The following ANK3 variants were observed in gnomAD, a reference collection of about 807,000 sequenced individuals.
ANK3 encodes ankyrin-3.
ANK3 carries 57 observed loss-of-function variants against 370.9 expected under a neutral mutation model. The observed-to-expected ratio is 0.15, with a 90% CI of 0.12 to 0.19. The LOEUF is 0.19. ANK3 is among the 10% of genes least tolerant of loss of function. The probability of loss-of-function intolerance (pLI) is 1.00; values close to 1 mark genes in which losing one functional copy is unlikely to be tolerated. For missense variants in ANK3, 4,439 were observed against 5,302.1 expected (o/e 0.84, Z 5.06); for synonymous variants, 1,929 against 1,946.3 (o/e 0.99, Z 0.23).
At chr10:60,234,884 C>T in intron 7 of ANK3, 98 bp from the exon 8 acceptor site, 3 of 719,798 alleles carry the variant, frequency 4.2e-6, no homozygotes, top group Non-Finnish European at 7.4e-6. Context: ...TCCCCCTCTC[C>T]TTTTCTAAAC....
At chr10:60,427,289 A>C (rs1187082449) in intron 2 of ANK3, among the ~76,000 whole-genome samples, 1 of 152,126 alleles carries the variant, frequency 6.6e-6, no homozygotes, top group Non-Finnish European at 1.5e-5. Flanking sequence ...GAGAAAGAGA[A>C]AGGGAGAGAT....
chr10:60,096,524 G>A (rs186784612), intron 28 of ANK3, among the ~76,000 whole-genome samples: 22 of 152,236 alleles, frequency 1.4e-4, no homozygotes, highest in Admixed American at 5.9e-4. Flanking sequence ...AGAAACAATC[G>A]TACTACATGT....
rs1591136695 is a variant in ANK3 at position 60,167,018 on chromosome 10, C to T, written c.2479-122G>A. The T allele has an allele frequency of 6.2e-6, 5 of 807,858 alleles. No homozygotes were observed. In the East Asian group the frequency reaches 1.3e-4, roughly 21 times the overall value. 50.0% of individuals were successfully genotyped at this position (807,858 alleles called of 1,614,324 possible). On this transcript the variant is annotated intron_variant, in intron 21 of 43. Coordinates refer to ENST00000280772, the MANE Select transcript of ANK3 (RefSeq NM_020987.5). ...TATGTGTTGAATATCTTGAATCTCC[C>T]ACATATAAAATAACATCAAAATTGT...
rs901771490 is a variant in ANK3, at chr10:60,140,360, A to G, written c.2615-1273T>C. ...CAACTCAAAGATCTTACTCTGCGGT[A>G]AAGCCATTTCCACTAGGCTTGGATG... On this transcript the variant is annotated intron_variant, in intron 23 of 43. Coordinates refer to ENST00000280772, the MANE Select transcript of ANK3 (RefSeq NM_020987.5). 8 of 1,613,766 alleles carry G rather than the reference A, an allele frequency of 5.0e-6. No individual in the cohort carries two copies. The Admixed American group carries it at 8.3e-5, about 17-fold the overall frequency.
At chr10:60,139,149 G>A in intron 23 of ANK3, 62 bp from the exon 24 acceptor site, 1 of 1,579,138 alleles carries the variant, frequency 6.3e-7, no homozygotes, top group East Asian at 2.3e-5. Context: ...CAGCTGTGGA[G>A]AAAATCACTC....
chr10:60,404,917 C>T (rs2063423046), intron 2 of ANK3, among the ~76,000 whole-genome samples: 1 of 152,074 alleles, frequency 6.6e-6, no homozygotes, highest in South Asian at 2.1e-4. Context: ...TTAACAGACA[C>T]TTACAAATTG....
Position 60,075,349 on chromosome 10 carries a change from T to C in ANK3, c.5532A>G (p.Ser1844=). 1 of 1,614,170 alleles carries C rather than the reference T, an allele frequency of 6.2e-7. No individual in the cohort carries two copies. The highest frequency in any genetic ancestry group is 8.5e-7 in the Non-Finnish European group (1 of 1,180,020). The change falls in exon 37 of 44, where the codon TCA becomes TCG. Residue 1844 remains serine (S), a synonymous_variant. Transcript: ENST00000280772. Reference sequence around the variant, plus strand: ...GCAAGGCTGCTGCTGATTTTGTAAATGAATTAGAGTCTGGAAGTTTCTTTA... The same window carrying C: ...GCAAGGCTGCTGCTGATTTTGTAAACGAATTAGAGTCTGGAAGTTTCTTTA... ...PALKKLPDSN[S]FTKSAAALLS... is the part of the protein sequence containing the mutation.
In ANK3 at chr10:60,072,872, G is replaced by C; in HGVS notation, c.8009C>G (p.Pro2670Arg). Residue 2670 changes from proline (P) to arginine (R), a missense_variant, in exon 37 of 44, where the codon CCC (proline) becomes CGC (arginine). Pro to Arg is a moderately radical substitution (Grantham distance 103). Transcript: ENST00000280772. The stretch of plus-strand genomic sequence containing the variant: ...GAGAACCATCTTCTCTGGGCTGCTG[G>C]GCAGACTGGGTGCCTTCTCCTCGGC... ...PKAEEKAPSL[P>R]SSPEKMVLSQ... 1 of 1,614,030 alleles carries C rather than the reference G, an allele frequency of 6.2e-7. No individual in the cohort carries two copies. The highest frequency in any genetic ancestry group is 8.5e-7 in the Non-Finnish European group (1 of 1,179,978).
chr10:60,576,188 C>T (rs758283256), intron 2 of ANK3, among the ~76,000 whole-genome samples: 5 of 152,098 alleles, frequency 3.3e-5, no homozygotes, highest in Non-Finnish European at 7.3e-5. Flanking sequence ...GAGGAAAACA[C>T]GACTGGATTA....
chr10:60,483,511 T>A (rs189544644), intron 2 of ANK3, among the ~76,000 whole-genome samples: 9 of 152,212 alleles, frequency 5.9e-5, no homozygotes, highest in Non-Finnish European at 1.3e-4. Context: ...ATTTTCAGCA[T>A]GGTTAAAAAT....
Position 60,665,488 on chromosome 10 carries a change from C to G in ANK3, c.58-50264G>C, listed in dbSNP as rs2078984962. 1.3e-5 allele frequency among the ~76,000 whole-genome samples: 2 copies of G among 152,152 alleles called. 1 individual carries two copies. The highest frequency in any genetic ancestry group is 4.1e-4 in the South Asian group (2 of 4,832). ...TCATGAAATACAGGCTGAACAAATCCTTTGACACATAAATCCTGCTCTTGA... is the reference window on the plus strand; with the variant it reads ...TCATGAAATACAGGCTGAACAAATCGTTTGACACATAAATCCTGCTCTTGA... On this transcript the variant is annotated intron_variant, in intron 1 of 43. Coordinates refer to the ANK3 transcript ENST00000373827.
intron 2 of ANK3, among the ~76,000 whole-genome samples, chr10:60,523,721 T>C (rs910794253): frequency 3.3e-5 from 5 of 152,060 alleles, no homozygotes; most frequent in African/African-American, 9.7e-5. Flanking sequence ...TGTGTCTTTA[T>C]AGCAGCATGA....
chr10:60,500,202 C>T (rs2075762056), intron 2 of ANK3, among the ~76,000 whole-genome samples: 1 of 152,140 alleles, frequency 6.6e-6, no homozygotes, highest in African/African-American at 2.4e-5. Flanking sequence ...TGCCCTAAAT[C>T]ATGTCTTCCC....
chr10:60,553,126 A>G (rs1168111720), intron 2 of ANK3, among the ~76,000 whole-genome samples: 2 of 152,204 alleles, frequency 1.3e-5, no homozygotes, highest in African/African-American at 4.8e-5. Context: ...ATAAATTACA[A>G]TTATTGAAAT....
intron 43 of ANK3, among the ~76,000 whole-genome samples, chr10:60,035,281 C>T (rs1207925223): frequency 6.6e-6 from 1 of 151,986 alleles, no homozygotes; most frequent in Non-Finnish European, 1.5e-5. Flanking sequence ...TGGAGTCTTG[C>T]TCTGTCGCCC....
intron 2 of ANK3, among the ~76,000 whole-genome samples, chr10:60,529,923 G>A (rs892389058): frequency 6.6e-6 from 1 of 152,166 alleles, no homozygotes; most frequent in African/African-American, 2.4e-5. Flanking sequence ...GAGGAAGTGT[G>A]GGAAGGAGGG....
intron 1 of ANK3, among the ~76,000 whole-genome samples, chr10:60,301,413 AT>A (rs769439635): frequency 0.037 from 4,616 of 123,744 alleles, 144 homozygotes; most frequent in African/African-American, 0.12. Context: ...CACAATATAC[AT>A]TTTTTTTTTT....
chr10:60,395,500 C>T (rs542924816), intron 2 of ANK3, among the ~76,000 whole-genome samples: 4 of 152,230 alleles, frequency 2.6e-5, no homozygotes, highest in African/African-American at 9.6e-5. Flanking sequence ...TTCCTGAAGG[C>T]AGGTGTTTCA....
chr10:60,674,157 A>C (rs2079096432), intron 1 of ANK3, among the ~76,000 whole-genome samples: 1 of 152,112 alleles, frequency 6.6e-6, no homozygotes, highest in African/African-American at 2.4e-5. Context: ...CATTCCAATA[A>C]TTTTTTTTCT....
Sources: gnomAD v4.1 joint callset for allele counts (sites outside exome capture counted in the v4.1 genomes callset) on GRCh38, gnomAD v4.1.1 for gene constraint, MANE v1.5 for transcripts, NCBI Gene and HGNC (gene_info 2026-07-23, HGNC 2026-07-21) for gene names.